The following DCC variants were observed in gnomAD, a reference collection of about 807,000 sequenced individuals.
DCC encodes netrin receptor DCC.
A neutral mutation model predicts 172.5 loss-of-function variants in DCC; 58 were observed. The ratio of observed to expected loss-of-function variants is 0.34; its 90% CI spans 0.27 to 0.42. The LOEUF (loss-of-function observed/expected upper bound fraction) is 0.42. Among genes scored for constraint, DCC ranks in the 10% least tolerant of loss-of-function variants. The pLI is 1.00. For missense variants in DCC, 1,740 were observed against 1,791.0 expected, an observed-to-expected ratio of 0.97 and a Z score of 0.51; for synonymous variants, 709 against 644.5, an observed-to-expected ratio of 1.10 and a Z score of -1.52.
intron 12 of DCC, among the ~76,000 whole-genome samples, chr18:53,242,753 A>G (rs1276806792): frequency 6.6e-6 from 1 of 151,916 alleles, no homozygotes; most frequent in African/African-American, 2.4e-5. Flanking sequence ...TCAGTTTTCC[A>G]AAAAAAATGT....
chr18:52,460,838 G>A (rs1988607560), intron 1 of DCC, among the ~76,000 whole-genome samples: 1 of 152,302 alleles, frequency 6.6e-6, no homozygotes, highest in Non-Finnish European at 1.5e-5. Context: ...GAGCTTACAG[G>A]ACTGGAAATT....
At chr18:53,358,611 T>C (rs4940254) in intron 15 of DCC, among the ~76,000 whole-genome samples, 143,197 of 148,334 alleles carry the variant, frequency 0.97, 69,357 homozygotes, top group Middle Eastern at 1. Context: ...ACCTCTGCCT[T>C]CCAGGTTCAA....
intron 15 of DCC, among the ~76,000 whole-genome samples, chr18:53,384,404 G>C (rs1001863013): frequency 4.6e-5 from 7 of 151,808 alleles, no homozygotes; most frequent in Non-Finnish European, 8.8e-5. Context: ...TTTTTATTTA[G>C]TGATTCTGTT....
At chr18:53,480,221 G>T (rs1292565243) in intron 25 of DCC, among the ~76,000 whole-genome samples, 1 of 152,146 alleles carries the variant, frequency 6.6e-6, no homozygotes, top group Non-Finnish European at 1.5e-5. Context: ...GATTGCAGGG[G>T]TCTTAAAGTT....
intron 2 of DCC, among the ~76,000 whole-genome samples, chr18:52,875,462 A>C (rs1283696626): frequency 6.6e-6 from 1 of 152,138 alleles, no homozygotes; most frequent in African/African-American, 2.4e-5. Context: ...ACTGAACATA[A>C]TGTTCTGTGT....
intron 2 of DCC, among the ~76,000 whole-genome samples, chr18:52,872,164 G>A (rs891173493): frequency 6.6e-6 from 1 of 152,094 alleles, no homozygotes; most frequent in African/African-American, 2.4e-5. Flanking sequence ...CTCCCCAATT[G>A]GGTTCAGGAG....
At chr18:52,824,844 C>A (rs1237559882) in intron 2 of DCC, among the ~76,000 whole-genome samples, 1 of 152,000 alleles carries the variant, frequency 6.6e-6, no homozygotes, top group Non-Finnish European at 1.5e-5. Flanking sequence ...GTGACAGGTG[C>A]CTGTAATCCC....
intron 2 of DCC, among the ~76,000 whole-genome samples, chr18:52,784,524 C>A (rs1247290700): frequency 6.6e-6 from 1 of 151,982 alleles, no homozygotes; most frequent in Non-Finnish European, 1.5e-5. Flanking sequence ...GATTTGCATT[C>A]CCATGAACAG....
At chr18:52,521,580 G>A (rs1598884618) in intron 1 of DCC, among the ~76,000 whole-genome samples, 1 of 152,068 alleles carries the variant, frequency 6.6e-6, no homozygotes. Flanking sequence ...TCGTGGCAGG[G>A]TGGGGCAGGG....
At chr18:53,140,888 A>T (rs1320497320) in intron 7 of DCC, among the ~76,000 whole-genome samples, 3 of 152,162 alleles carry the variant, frequency 2.0e-5, no homozygotes, top group Admixed American at 2.0e-4. Context: ...AGTATCCTTC[A>T]CCCCAAGAAT....
intron 1 of DCC, among the ~76,000 whole-genome samples, chr18:52,633,137 TGTC>T (rs1568265290): frequency 5.9e-5 from 9 of 151,940 alleles, no homozygotes; most frequent in African/African-American, 1.9e-4. Context: ...TGTCCTGTCC[TGTC>T]CTGTCCTGTC....
intron 5 of DCC, among the ~76,000 whole-genome samples, chr18:52,991,770 T>C (rs1043515248): frequency 3.9e-5 from 6 of 152,222 alleles, no homozygotes; most frequent in African/African-American, 1.4e-4. Flanking sequence ...CAGTCTAACA[T>C]CACCATTTGT....
chr18:52,633,913 T>G (rs1440893499), intron 1 of DCC, among the ~76,000 whole-genome samples: 1 of 152,210 alleles, frequency 6.6e-6, no homozygotes, highest in Non-Finnish European at 1.5e-5. Flanking sequence ...CAGCCCCTGA[T>G]TCTCAGGAGG....
intron 5 of DCC, among the ~76,000 whole-genome samples, chr18:53,009,878 G>A (rs2143874018): frequency 6.6e-6 from 1 of 152,008 alleles, no homozygotes. Context: ...CAATGGCATT[G>A]TCACCAATCT....
rs539634396 is a variant in DCC, at chr18:52,969,407, C to T, written c.985+44037C>T. 1.8e-4 allele frequency among the ~76,000 whole-genome samples: 28 copies of T among 152,116 alleles called. 1 individual carries two copies. The highest frequency in any genetic ancestry group is 9.8e-4 in the Admixed American group (15 of 15,266). ...ATTACCGAAGTAGAAACCTGGGTAA[C>T]GTCTCAGTGTCATTCTTTCCCCTCA... On this transcript the variant is annotated intron_variant, in intron 5 of 28. Coordinates refer to ENST00000442544, the MANE Select transcript of DCC (RefSeq NM_005215.4).
At chr18:53,211,577 A>G (rs1242372539) in intron 11 of DCC, among the ~76,000 whole-genome samples, 1 of 152,086 alleles carries the variant, frequency 6.6e-6, no homozygotes, top group Non-Finnish European at 1.5e-5. Context: ...CCAAAGAATT[A>G]GCTGGGCGTG....
At chr18:53,333,519 A>C (rs1448154843) in intron 14 of DCC, among the ~76,000 whole-genome samples, 1 of 152,168 alleles carries the variant, frequency 6.6e-6, no homozygotes, top group African/African-American at 2.4e-5. Context: ...CATTACCAAG[A>C]TCTGGCACAG....
intron 12 of DCC, among the ~76,000 whole-genome samples, chr18:53,280,602 C>G (rs73957143): frequency 1.3e-5 from 2 of 152,050 alleles, no homozygotes; most frequent in South Asian, 4.2e-4. Context: ...GCTTCCAGCA[C>G]GGAAGCTTTC....
intron 12 of DCC, among the ~76,000 whole-genome samples, chr18:53,233,670 T>C (rs1473901777): frequency 6.6e-6 from 1 of 152,246 alleles, no homozygotes. Context: ...GAGTTACCTT[T>C]GTGAATAATT....
Sources: gnomAD v4.1 joint callset for allele counts (sites outside exome capture counted in the v4.1 genomes callset) on GRCh38, gnomAD v4.1.1 for gene constraint, MANE v1.5 for transcripts, NCBI Gene and HGNC (gene_info 2026-07-23, HGNC 2026-07-21) for gene names.